Variants in PIK3C2A observed in about 807,000 individuals in gnomAD.
PIK3C2A encodes phosphatidylinositol-4-phosphate 3-kinase catalytic subunit type 2 alpha.
In PIK3C2A, 97 loss-of-function variants were observed where a neutral mutation model predicts 204.5. The observed-to-expected ratio is 0.47, with a 90% CI of 0.40 to 0.56. PIK3C2A has a LOEUF of 0.56. Ranked by LOEUF, PIK3C2A falls within the 20% of genes least tolerant of loss-of-function variation. The pLI, the probability that PIK3C2A is intolerant of heterozygous loss-of-function variation, is 0.00. For missense variants in PIK3C2A, 1,735 were observed against 1,969.2 expected, an observed-to-expected ratio of 0.88 and a Z score of 2.25; for synonymous variants, 653 against 664.4, an observed-to-expected ratio of 0.98 and a Z score of 0.26.
intron 1 of PIK3C2A, chr11:17,193,365 CACT>C (rs752994566): frequency 1.1e-5 from 2 of 173,962 alleles, no homozygotes; most frequent in Non-Finnish European, 2.5e-5. Context: ...TTTGTTATCC[CACT>C]AAGTTTTATA....
At chr11:17,202,466 T>C (rs1852422599) in intron 1 of PIK3C2A, among the ~76,000 whole-genome samples, 2 of 151,106 alleles carry the variant, frequency 1.3e-5, no homozygotes, top group South Asian at 4.2e-4. Flanking sequence ...CCCAGCTACT[T>C]GGGTGGCTAA....
chr11:17,150,506 G>A lies in PIK3C2A; in HGVS notation c.1319C>T (p.Thr440Met). 6.2e-7 allele frequency: 1 copy of A among 1,603,008 alleles called. No homozygotes were observed. The highest frequency in any genetic ancestry group is 1.1e-5 in the South Asian group (1 of 89,674). ...AGGAACCATAAACCTACCATCACAC[G>A]TAAAAGTAACTGGTAGCTGAAATCC... The part of the protein sequence containing the change: ...IEGFQLPVTF[T>M]CDVSSTVEII... The change falls in exon 4 of 33, where the codon ACG (threonine) becomes ATG (methionine). Residue 440 changes from threonine to methionine, a missense_variant. By Grantham distance (81) the Thr-to-Met change is moderately conservative (BLOSUM62 -1). Around this residue, in one of 6 missense-constraint regions of PIK3C2A, gnomAD observed 536 missense variants for 546.7 expected, o/e 0.98. Transcript: ENST00000691414.
intron 2 of PIK3C2A, among the ~76,000 whole-genome samples, chr11:17,157,287 T>C (rs1032386662): frequency 2.6e-5 from 4 of 151,676 alleles, no homozygotes; most frequent in Non-Finnish European, 5.9e-5. Context: ...TGGTGAAACC[T>C]TGTCTCTACT....
intron 8 of PIK3C2A, chr11:17,138,099 G>C (rs905853285): frequency 1.4e-6 from 1 of 720,192 alleles, no homozygotes; most frequent in Non-Finnish European, 2.5e-6. Context: ...AATCACCATA[G>C]GCCCTGCTGA....
chr11:17,089,576 T>C lies in PIK3C2A; in HGVS notation c.*162A>G. ...GTTATGTGACTGTTGGTCCAACAGA[T>C]GTGTTGAAATGCAGCAAGTATATTT... is the stretch of plus-strand genomic sequence containing the variant. On this transcript the variant is annotated 3_prime_UTR_variant, in exon 33 of 33. Transcript: ENST00000691414. 3 of 529,866 alleles carry C rather than the reference T, an allele frequency of 5.7e-6. No homozygotes were observed. The highest frequency in any genetic ancestry group is 9.9e-6 in the Non-Finnish European group (3 of 301,914). 32.8% of individuals were successfully genotyped at this position (529,866 alleles called of 1,614,324 possible).
In PIK3C2A at chr11:17,142,590, T is replaced by A. The variant is rs11024167; in HGVS notation, c.1704+3078A>T. On this transcript the variant is annotated intron_variant, in intron 8 of 32. Coordinates refer to ENST00000691414, the MANE Select transcript of PIK3C2A (RefSeq NM_002645.4). Reference sequence around the variant, plus strand: ...AACACTTTGGGAGGCCGAAGCAAGATGATTGTTTGAGCCCAGGAGTTCAAG... The same window carrying A: ...AACACTTTGGGAGGCCGAAGCAAGAAGATTGTTTGAGCCCAGGAGTTCAAG... Among the ~76,000 whole-genome samples, 972 of 152,214 alleles carry A rather than the reference T, an allele frequency of 6.4e-3. 23 individuals are homozygous for A. Among genetic ancestry groups the A allele is most frequent in the African/African-American group, 0.022 (927 of 41,546 alleles).
At chr11:17,201,120 C>T (rs980976108) in intron 1 of PIK3C2A, among the ~76,000 whole-genome samples, 30 of 152,068 alleles carry the variant, frequency 2.0e-4, no homozygotes, top group African/African-American at 6.8e-4. Context: ...ACAGGAAAAT[C>T]GCTTGAACCT....
chr11:17,199,315 T>TTA (rs1307228951), intron 1 of PIK3C2A, among the ~76,000 whole-genome samples: 6 of 152,156 alleles, frequency 3.9e-5, no homozygotes, highest in Non-Finnish European at 5.9e-5. Flanking sequence ...GGAAAACACT[T>TTA]TAGTGTTTCT....
Position 17,200,011 on chromosome 11 carries a change from A to G in PIK3C2A, c.-66+7837T>C, listed in dbSNP as rs369864420. 7.9e-5 allele frequency among the ~76,000 whole-genome samples: 12 copies of G among 151,848 alleles called. No individual in the cohort carries two copies. The East Asian group carries it at 1.2e-3, about 15-fold the overall frequency. The stretch of plus-strand genomic sequence containing the variant: ...CAGAGTTTGTTTGGGATGGTAAAAA[A>G]TACAAAAAATACAAAAATACAAAAA... On this transcript the variant is annotated intron_variant, in intron 1 of 32. Transcript: ENST00000691414.
Position 17,087,250 on chromosome 11 carries a change from C to G in PIK3C2A, c.*2488G>C, listed in dbSNP as rs571013154. 2 of 152,106 alleles carry G rather than the reference C, an allele frequency of 1.3e-5. No homozygotes were observed. The highest frequency in any genetic ancestry group is 4.1e-4 in the South Asian group (2 of 4,828). The allele number at this position is 152,106 out of a possible 1,614,324, so 9.4% of individuals were successfully genotyped here. On this transcript the variant is annotated 3_prime_UTR_variant, in exon 33 of 33. Transcript: ENST00000691414. ...ACTTTTTTTAGATTTACTTTAATGTCAGCTTTTAAAAAATGCTTAAAAATC... is the reference window on the plus strand; with the variant it reads ...ACTTTTTTTAGATTTACTTTAATGTGAGCTTTTAAAAAATGCTTAAAAATC...
At chr11:17,196,322 T>C (rs1019890229) in intron 1 of PIK3C2A, among the ~76,000 whole-genome samples, 1 of 152,204 alleles carries the variant, frequency 6.6e-6, no homozygotes, top group South Asian at 2.1e-4. Context: ...TGATCTGATT[T>C]ACATTGCTCA....
rs547531559 is a variant in PIK3C2A, at chr11:17,099,941, G to C, written c.4037C>G (p.Thr1346Arg). The C allele has an allele frequency of 1.0e-5, 16 of 1,574,196 alleles. No homozygotes were observed. The highest frequency in any genetic ancestry group is 1.7e-4 in the Middle Eastern group (1 of 5,990). ...AACGTATTTCAAATCTTGAATACTT[G>C]TAAGTTCTGGTAACCCTGAAGGAAT... is the stretch of plus-strand genomic sequence containing the variant. Reference protein sequence around the residue: ...LMIPSGLPELTSIQDLKYVRD... With the variant: ...LMIPSGLPELRSIQDLKYVRD... Residue 1346 changes from threonine to arginine, a missense_variant, in exon 26 of 33, where the codon ACA becomes AGA. Physicochemically the swap from Thr to Arg is moderately conservative, Grantham distance 71. Transcript: ENST00000691414.
intron 8 of PIK3C2A, among the ~76,000 whole-genome samples, chr11:17,141,953 G>C (rs1850077616): frequency 6.6e-6 from 1 of 152,192 alleles, no homozygotes; most frequent in African/African-American, 2.4e-5. Context: ...TGAGCAAATG[G>C]AAGACAAAGT....
At chr11:17,155,290 C>T (rs1477504225) in intron 3 of PIK3C2A, among the ~76,000 whole-genome samples, 2 of 152,110 alleles carry the variant, frequency 1.3e-5, no homozygotes, top group African/African-American at 4.8e-5. Context: ...CTGGTTATTA[C>T]AGTATCAGAA....
intron 8 of PIK3C2A, 92 bp from the exon 9 acceptor site, chr11:17,136,717 C>T: frequency 1.6e-6 from 1 of 637,068 alleles, no homozygotes; most frequent in Non-Finnish European, 2.7e-6. Flanking sequence ...TCTTAGATAT[C>T]CCTAACAGAT....
intron 8 of PIK3C2A, among the ~76,000 whole-genome samples, chr11:17,137,423 C>CTTT (rs33912263): frequency 1.6e-5 from 2 of 125,050 alleles, no homozygotes; most frequent in Non-Finnish European, 3.2e-5. Context: ...ATTACTTTGC[C>CTTT]TTTTTTTTTG....
intron 13 of PIK3C2A, among the ~76,000 whole-genome samples, chr11:17,125,568 T>C: frequency 6.6e-6 from 1 of 152,050 alleles, no homozygotes; most frequent in Non-Finnish European, 1.5e-5. Context: ...GGCTGGAGTG[T>C]AGTGGTGCAA....
chr11:17,101,320 C>G lies in PIK3C2A; in HGVS notation c.3966G>C (p.Leu1322Phe). 1 of 1,570,188 alleles carries G rather than the reference C, an allele frequency of 6.4e-7. No homozygotes were observed. Among genetic ancestry groups the G allele is most frequent in the Non-Finnish European group, 8.7e-7 (1 of 1,149,550 alleles). ...GAAAAAGGTTTGTCTGCTTTCTTAT[C>G]AAGTTGTAGGCCTGACAGCAGAGGT... ...FVDLCCQAYNLIRKQTNLFLN... is the reference protein window; with the variant it reads ...FVDLCCQAYNFIRKQTNLFLN... The change falls in exon 25 of 33, where the codon TTG becomes TTC. Residue 1322 changes from leucine (L) to phenylalanine (F), a missense_variant. This residue lies in a region of PIK3C2A where 503 missense variants were observed against 669.0 expected (regional missense o/e 0.75). Coordinates refer to ENST00000691414, the MANE Select transcript of PIK3C2A (RefSeq NM_002645.4).
intron 1 of PIK3C2A, among the ~76,000 whole-genome samples, chr11:17,200,426 T>C (rs1327165754): frequency 7.0e-6 from 1 of 143,618 alleles, no homozygotes; most frequent in Non-Finnish European, 1.6e-5. Flanking sequence ...TCTAAAAAAG[T>C]TTATTAATAA....
Sources: allele counts gnomAD v4.1 joint callset (sites outside exome capture counted in the v4.1 genomes callset), GRCh38; gene constraint gnomAD v4.1.1; regional missense constraint gnomAD v4.1.1; transcripts MANE v1.5; gene names NCBI Gene and HGNC (gene_info 2026-07-23, HGNC 2026-07-21).